The following CCDC171 variants were observed in gnomAD, a reference collection of about 807,000 sequenced individuals.
CCDC171 encodes coiled-coil domain-containing protein 171.
A neutral mutation model predicts 168.2 loss-of-function variants in CCDC171; 177 were observed. That is an observed-to-expected ratio of 1.05 (90% confidence interval 0.93 to 1.19). CCDC171 has a LOEUF of 1.19. CCDC171 is among the 50% of genes most tolerant of loss of function. CCDC171 has a pLI of 0.00. For synonymous variants in CCDC171, 687 were observed against 540.8 expected (o/e 1.27, Z -3.75); for missense variants, 1,991 against 1,539.0 (o/e 1.29, Z -4.91).
At chr9:15,811,225 C>G (rs1242852500) in intron 21 of CCDC171, among the ~76,000 whole-genome samples, 1 of 152,190 alleles carries the variant, frequency 6.6e-6, no homozygotes, top group African/African-American at 2.4e-5. Context: ...TGATATTGAG[C>G]TAATGGAACT....
At chr9:15,829,837 C>G (rs534734282) in intron 21 of CCDC171, among the ~76,000 whole-genome samples, 8 of 152,240 alleles carry the variant, frequency 5.3e-5, no homozygotes, top group African/African-American at 1.7e-4. Context: ...GGAGGATCAC[C>G]TGAGTCCAGT....
chr9:15,892,575 CCTT>C (rs1175523785), intron 24 of CCDC171, among the ~76,000 whole-genome samples: 1 of 152,028 alleles, frequency 6.6e-6, no homozygotes, highest in Non-Finnish European at 1.5e-5. Context: ...TCAGACCAAA[CCTT>C]CTTAAGCAAC....
upstream of CCDC171, among the ~76,000 whole-genome samples, chr9:16,042,329 G>T (rs950106928): frequency 6.6e-6 from 1 of 152,192 alleles, no homozygotes; most frequent in East Asian, 1.9e-4. Flanking sequence ...CTTATGAAGA[G>T]GATCATGAGG....
chr9:15,879,873 CT>C (rs1253083041), intron 24 of CCDC171, among the ~76,000 whole-genome samples: 1 of 152,124 alleles, frequency 6.6e-6, no homozygotes, highest in Non-Finnish European at 1.5e-5. Flanking sequence ...TACTCTAAGG[CT>C]TTTAATACAC....
chr9:15,879,697 C>T (rs1818357299), intron 24 of CCDC171, among the ~76,000 whole-genome samples: 1 of 152,116 alleles, frequency 6.6e-6, no homozygotes, highest in Non-Finnish European at 1.5e-5. Flanking sequence ...ATGGCTCTAC[C>T]ACAGTATATT....
At position 15,936,403 on chromosome 9, in the gene CCDC171, C is replaced by T. The variant is rs1009608025; in HGVS notation, c.3753+15981C>T. 9.2e-5 allele frequency among the ~76,000 whole-genome samples: 14 copies of T among 151,958 alleles called. No individual in the cohort carries two copies. The Middle Eastern group carries it at 0.01, about 111-fold the overall frequency. Reference sequence around the variant, plus strand: ...TGTGTTAGAGTTCTCTAATCATCACCAGCACAATTTACAATCAGAACACAC... The same window carrying T: ...TGTGTTAGAGTTCTCTAATCATCACTAGCACAATTTACAATCAGAACACAC... On this transcript the variant is annotated intron_variant, in intron 25 of 25. Coordinates refer to ENST00000380701, the MANE Select transcript of CCDC171 (RefSeq NM_173550.4).
At chr9:15,699,313 G>A (rs1306213452) in intron 11 of CCDC171, among the ~76,000 whole-genome samples, 4 of 152,222 alleles carry the variant, frequency 2.6e-5, no homozygotes, top group African/African-American at 9.6e-5. Context: ...GCAGACCTTC[G>A]CGGTGAGTGT....
intron 2 of CCDC171, among the ~76,000 whole-genome samples, chr9:15,565,479 G>A (rs984785529): frequency 7.9e-5 from 12 of 151,982 alleles, no homozygotes; most frequent in Admixed American, 4.6e-4. Flanking sequence ...CCATTGCTCC[G>A]GCTTGTCATC....
chr9:15,582,358 G>A (rs909956404), intron 4 of CCDC171, among the ~76,000 whole-genome samples: 2 of 152,178 alleles, frequency 1.3e-5, no homozygotes, highest in African/African-American at 2.4e-5. Flanking sequence ...AAACTGTTGT[G>A]GAAGACAGTG....
intron 25 of CCDC171, among the ~76,000 whole-genome samples, chr9:15,954,873 C>T (rs1829627537): frequency 6.6e-6 from 1 of 152,044 alleles, no homozygotes; most frequent in Non-Finnish European, 1.5e-5. Context: ...CTCTGAGCAT[C>T]TGTAAGACAG....
chr9:15,919,882 A>G (rs1401604741), intron 24 of CCDC171, among the ~76,000 whole-genome samples: 2 of 151,644 alleles, frequency 1.3e-5, no homozygotes, highest in African/African-American at 4.8e-5. Context: ...AACTCAGCTT[A>G]TTTTGAAATA....
chr9:15,809,083 C>G (rs2059210342), intron 21 of CCDC171, among the ~76,000 whole-genome samples: 1 of 152,226 alleles, frequency 6.6e-6, no homozygotes. Context: ...CTCCCAAAAG[C>G]CCCACCTTTT....
At chr9:15,589,783 A>C (rs967794975) in intron 4 of CCDC171, among the ~76,000 whole-genome samples, 4 of 152,244 alleles carry the variant, frequency 2.6e-5, no homozygotes, top group Non-Finnish European at 2.9e-5. Context: ...AGATGGAAGA[A>C]ACCTCCCAGA....
intron 3 of CCDC171, among the ~76,000 whole-genome samples, chr9:15,578,065 TAATC>T (rs1193203314): frequency 1.3e-5 from 2 of 152,180 alleles, no homozygotes; most frequent in Non-Finnish European, 2.9e-5. Context: ...AGTGATATCA[TAATC>T]AAGAGAAATA....
chr9:15,718,956 C>G (rs975784093), intron 11 of CCDC171, among the ~76,000 whole-genome samples: 1 of 152,138 alleles, frequency 6.6e-6, no homozygotes, highest in Non-Finnish European at 1.5e-5. Context: ...AAAACCATCC[C>G]AGAAAACATG....
At chr9:15,676,271 C>T (rs375637199) in intron 9 of CCDC171, among the ~76,000 whole-genome samples, 3 of 152,094 alleles carry the variant, frequency 2.0e-5, no homozygotes, top group East Asian at 1.9e-4. Flanking sequence ...TTTAGCCGTT[C>T]GCCTGACCTT....
chr9:16,067,375 T>C, the CCDC171 span, among the ~76,000 whole-genome samples: 5 of 152,198 alleles, frequency 3.3e-5, no homozygotes, highest in African/African-American at 1.2e-4. Context: ...CTTTGTCAGA[T>C]GAGTAGGTCG....
chr9:15,627,009 A>C (rs911856290), intron 7 of CCDC171, among the ~76,000 whole-genome samples: 22 of 152,256 alleles, frequency 1.4e-4, no homozygotes, highest in Middle Eastern at 3.4e-3. Flanking sequence ...TTATTGGTCT[A>C]TTTTGGGATT....
At chr9:15,852,905 A>T (rs1240962928) in intron 23 of CCDC171, among the ~76,000 whole-genome samples, 1 of 151,622 alleles carries the variant, frequency 6.6e-6, no homozygotes, top group Non-Finnish European at 1.5e-5. Flanking sequence ...ATAGATGTAT[A>T]GGTTTATTTC....
Sources: allele counts gnomAD v4.1 joint callset (sites outside exome capture counted in the v4.1 genomes callset), GRCh38; gene constraint gnomAD v4.1.1; transcripts MANE v1.5; gene names NCBI Gene and HGNC (gene_info 2026-07-23, HGNC 2026-07-21).